DENND1A: variants seen among roughly 807,000 people sequenced by gnomAD.
DENND1A encodes DENN domain containing 1A, also known as DENN domain-containing protein 1A.
In DENND1A, 51 loss-of-function variants were observed where a neutral mutation model predicts 113.7. The observed-to-expected ratio is 0.45, with a 90% CI of 0.36 to 0.57. The LOEUF is 0.57. Among genes scored for constraint, DENND1A ranks in the 20% least tolerant of loss-of-function variants. The probability of loss-of-function intolerance (pLI) is 0.00; values close to 1 mark genes in which losing one functional copy is unlikely to be tolerated. For missense variants in DENND1A, 1,258 were observed against 1,395.9 expected, an observed-to-expected ratio of 0.90 and a Z score of 1.57; for synonymous variants, 565 against 570.8, an observed-to-expected ratio of 0.99 and a Z score of 0.14.
intron 9 of DENND1A, among the ~76,000 whole-genome samples, chr9:123,642,034 G>A (rs2062056870): frequency 6.6e-6 from 1 of 152,210 alleles, no homozygotes; most frequent in Non-Finnish European, 1.5e-5. Context: ...GGCAGGAGAG[G>A]AAGGTAAGAG....
At position 123,693,453 on chromosome 9, in the gene DENND1A, C is replaced by T. The variant is rs1377267141; in HGVS notation, c.303-16664G>A. 1.3e-5 allele frequency among the ~76,000 whole-genome samples: 2 copies of T among 152,178 alleles called. 1 individual carries two copies. Among genetic ancestry groups the T allele is most frequent in the Admixed American group, 1.3e-4 (2 of 15,278 alleles). ...GCCTGCTTGTGTTGCTCCTTTGTGGCCAACCTTGCCTCCCCAAATCTCAGC... is the reference window on the plus strand; with the variant it reads ...GCCTGCTTGTGTTGCTCCTTTGTGGTCAACCTTGCCTCCCCAAATCTCAGC... On this transcript the variant is annotated intron_variant, in intron 5 of 23. Transcript: ENST00000394215.
At chr9:123,520,407 C>A (rs1271099582) in intron 13 of DENND1A, among the ~76,000 whole-genome samples, 1 of 152,112 alleles carries the variant, frequency 6.6e-6, no homozygotes, top group Admixed American at 6.5e-5. Flanking sequence ...GAGCCGAGAT[C>A]GTGTCATTGC....
intron 12 of DENND1A, among the ~76,000 whole-genome samples, chr9:123,558,874 C>G (rs762088271): frequency 1.3e-5 from 2 of 152,134 alleles, no homozygotes; most frequent in Admixed American, 6.6e-5. Flanking sequence ...TCCTATGTAC[C>G]GAGGACTATG....
chr9:123,385,510 C>T (rs901457192), intron 22 of DENND1A, among the ~76,000 whole-genome samples: 5 of 152,158 alleles, frequency 3.3e-5, no homozygotes, highest in Non-Finnish European at 7.3e-5. Context: ...GGTGGCCCTA[C>T]GTCAGGCGGA....
chr9:123,722,454 G>C (rs554603605), intron 5 of DENND1A, among the ~76,000 whole-genome samples: 35 of 152,284 alleles, frequency 2.3e-4, no homozygotes, highest in African/African-American at 7.5e-4. Context: ...CCAAGACAAT[G>C]GGGAAAATGT....
At position 123,454,780 on chromosome 9, in the gene DENND1A, C is replaced by A; in HGVS notation, c.1187-1G>T. On this transcript the variant is annotated splice_acceptor_variant, in intron 15 of 23. Transcript: ENST00000394215. LOFTEE classifies it high-confidence loss of function. ...CACTGATGGTACAGTTTGTCACTGCCTGGGGAAAGAGAATTCAGAGAAGCT... is the reference window on the plus strand; with the variant it reads ...CACTGATGGTACAGTTTGTCACTGCATGGGGAAAGAGAATTCAGAGAAGCT... 1 of 1,554,654 alleles carries A rather than the reference C, an allele frequency of 6.4e-7. No individual in the cohort carries two copies. The highest frequency in any genetic ancestry group is 8.7e-7 in the Non-Finnish European group (1 of 1,148,416).
chr9:123,541,796 C>T (rs1039557891), intron 13 of DENND1A, among the ~76,000 whole-genome samples: 9 of 152,218 alleles, frequency 5.9e-5, no homozygotes, highest in Non-Finnish European at 1.0e-4. Context: ...CATCTGCCAT[C>T]GCATTTAATT....
intron 11 of DENND1A, among the ~76,000 whole-genome samples, chr9:123,591,389 G>T (rs1190187036): frequency 6.6e-6 from 1 of 152,226 alleles, no homozygotes; most frequent in African/African-American, 2.4e-5. Flanking sequence ...GTCAGCCGGG[G>T]GATCTGAAGA....
intron 12 of DENND1A, among the ~76,000 whole-genome samples, chr9:123,564,526 AC>A (rs2136193130): frequency 6.6e-6 from 1 of 152,068 alleles, no homozygotes; most frequent in East Asian, 1.9e-4. Context: ...CCTCCCCCTT[AC>A]CCCAGGACCT....
At chr9:123,392,872 C>T (rs1197330610) in intron 21 of DENND1A, among the ~76,000 whole-genome samples, 6 of 152,176 alleles carry the variant, frequency 3.9e-5, no homozygotes, top group African/African-American at 1.2e-4. Context: ...GCCTTTGCAT[C>T]CTCAAAGCTT....
chr9:123,436,793 G>T lies in DENND1A; in HGVS notation c.1488+3567C>A, dbSNP rs531646195. Among the ~76,000 whole-genome samples, 8 of 151,962 alleles carry T rather than the reference G, an allele frequency of 5.3e-5. No individual in the cohort carries two copies. The East Asian group carries it at 1.5e-3, about 29-fold the overall frequency. On this transcript the variant is annotated intron_variant, in intron 19 of 23. Coordinates refer to ENST00000394215, the MANE Select transcript of DENND1A (RefSeq NM_001352964.2). ...GACAGGGTCTCGCTCTGTCACTCAG[G>T]CTGGAGTGCAGTGGTGCGATCTCAG...
rs76718134 is a variant in DENND1A, at chr9:123,603,779, C to G, written c.765+5657G>C. On this transcript the variant is annotated intron_variant, in intron 11 of 23. Coordinates refer to ENST00000394215, the MANE Select transcript of DENND1A (RefSeq NM_001352964.2). ...GAAAACATAGAAGAAAAGACACAAT[C>G]TAGTAAAAGTGGTGCTAATACTTCG... is the stretch of plus-strand genomic sequence containing the variant. Among the ~76,000 whole-genome samples the G allele has an allele frequency of 1.3e-3, 195 of 152,308 alleles. 1 individual carries two copies. The highest frequency in any genetic ancestry group is 4.5e-3 in the African/African-American group (187 of 41,556).
chr9:123,535,605 G>T (rs1438919047), intron 13 of DENND1A, among the ~76,000 whole-genome samples: 2 of 152,328 alleles, frequency 1.3e-5, no homozygotes, highest in South Asian at 4.1e-4. Context: ...GGCCAAACTT[G>T]TGTCTACCTC....
At chr9:123,749,724 T>C (rs1343389312) in intron 5 of DENND1A, among the ~76,000 whole-genome samples, 1 of 151,960 alleles carries the variant, frequency 6.6e-6, no homozygotes, top group Non-Finnish European at 1.5e-5. Context: ...TCACTAGAGG[T>C]AGCAAGATGA....
At chr9:123,596,133 G>A (rs920533814) in intron 11 of DENND1A, among the ~76,000 whole-genome samples, 1 of 152,140 alleles carries the variant, frequency 6.6e-6, no homozygotes, top group Non-Finnish European at 1.5e-5. Context: ...AGCTCGCCAC[G>A]TTACTGCCAC....
intron 21 of DENND1A, among the ~76,000 whole-genome samples, chr9:123,395,494 GA>G: frequency 6.8e-6 from 1 of 147,938 alleles, no homozygotes; most frequent in Non-Finnish European, 1.5e-5. Flanking sequence ...GTGTGTGTGT[GA>G]CAGAGAGAGA....
chr9:123,919,690 T>C (rs561425368), intron 1 of DENND1A, among the ~76,000 whole-genome samples: 9 of 151,410 alleles, frequency 5.9e-5, no homozygotes, highest in Non-Finnish European at 1.3e-4. Flanking sequence ...GAGATCAGCC[T>C]GGCCAAAATG....
intron 13 of DENND1A, among the ~76,000 whole-genome samples, chr9:123,498,824 G>A (rs1454720099): frequency 6.6e-6 from 1 of 151,870 alleles, no homozygotes; most frequent in African/African-American, 2.4e-5. Context: ...CTGGGTTAAA[G>A]TGATTCTCCC....
At chr9:123,699,413 A>G (rs1005129082) in intron 5 of DENND1A, among the ~76,000 whole-genome samples, 1 of 152,202 alleles carries the variant, frequency 6.6e-6, no homozygotes, top group African/African-American at 2.4e-5. Context: ...TTATAAGACA[A>G]CATCTAACAG....
Sources: gnomAD v4.1 joint callset for allele counts (sites outside exome capture counted in the v4.1 genomes callset) on GRCh38, gnomAD v4.1.1 for gene constraint, MANE v1.5 for transcripts, NCBI Gene and HGNC (gene_info 2026-07-23, HGNC 2026-07-21) for gene names.